SF3B1: variants seen among roughly 807,000 people sequenced by gnomAD.
SF3B1 encodes splicing factor 3b subunit 1.
Under a neutral mutation model 153.8 loss-of-function variants are expected in SF3B1, and 12 were observed. That is an observed-to-expected ratio of 0.08 (90% CI 0.05 to 0.13). The LOEUF (loss-of-function observed/expected upper bound fraction) is 0.13. SF3B1 is among the 10% of genes least tolerant of loss of function. The probability of loss-of-function intolerance (pLI) is 1.00; values close to 1 mark genes in which losing one functional copy is unlikely to be tolerated. For synonymous variants in SF3B1, 498 were observed against 525.2 expected (o/e 0.95, Z 0.71); for missense variants, 513 against 1,606.1 (o/e 0.32, Z 11.63).
At position 197,405,298 on chromosome 2, in the gene SF3B1, T is replaced by C. The variant is rs888908728; in HGVS notation, c.1414A>G (p.Ile472Val). Residue 472 changes from isoleucine (I) to valine (V), a missense_variant, in exon 10 of 25, where the codon ATT (isoleucine) becomes GTT (valine). Ile to Val is a conservative substitution (Grantham distance 29). This residue lies in a region of SF3B1 where 34 missense variants were observed against 190.8 expected (regional missense o/e 0.18). Coordinates refer to ENST00000335508, the MANE Select transcript of SF3B1 (RefSeq NM_012433.4). ...ACCAATAGTTTATCAAAGTATTGAA[T>C]ATCATCAGGTTTTAAAAATGGAAGA... ...GNLPFLKPDDIQYFDKLLVDV... is the reference protein window; with the variant it reads ...GNLPFLKPDDVQYFDKLLVDV... 1.9e-6 allele frequency: 3 copies of C among 1,613,126 alleles called. No homozygotes were observed. The highest frequency in any genetic ancestry group is 2.5e-6 in the Non-Finnish European group (3 of 1,179,238).
intron 3 of SF3B1, 151 bp downstream of exon 3, chr2:197,420,878 T>G: frequency 1.7e-6 from 1 of 576,674 alleles, no homozygotes; most frequent in Non-Finnish European, 3.0e-6. Context: ...AGCAAAACCT[T>G]GTGTCAAAAA....
chr2:197,418,686 C>T (rs1031554173), intron 4 of SF3B1, 98 bp from the exon 5 acceptor site: 15 of 1,473,658 alleles, frequency 1.0e-5, no homozygotes, highest in Non-Finnish European at 1.4e-5. Flanking sequence ...TATGTTATTC[C>T]ATAATCATTT....
rs1375202785 is a variant in SF3B1, at chr2:197,398,055, A to G, written c.3196T>C (p.Leu1066=). ...MRICFELLEL[L]KAHKKAIRRA... is the part of the protein sequence containing the mutation. Reference sequence around the variant, plus strand: ...CGAATAGCCTTTTTGTGGGCTTTTAAGAGCTCTAAAAGCTCAAAGCAAATC... The same window carrying G: ...CGAATAGCCTTTTTGTGGGCTTTTAGGAGCTCTAAAAGCTCAAAGCAAATC... The change falls in exon 22 of 25, where the codon TTA becomes CTA. Residue 1066 remains leucine, a synonymous_variant. Coordinates refer to ENST00000335508, the MANE Select transcript of SF3B1 (RefSeq NM_012433.4). 5.6e-6 allele frequency: 9 copies of G among 1,612,330 alleles called. No homozygotes were observed. The highest frequency in any genetic ancestry group is 1.3e-5 in the African/African-American group (1 of 74,898).
intron 6 of SF3B1, among the ~76,000 whole-genome samples, chr2:197,415,799 T>G (rs1189991662): frequency 2.6e-5 from 4 of 152,018 alleles, no homozygotes; most frequent in Admixed American, 6.6e-5. Flanking sequence ...ATTTTACAGA[T>G]GCCATCGTTT....
Position 197,422,401 on chromosome 2 carries a change from T to A in SF3B1, c.196-1268A>T, listed in dbSNP as rs374371524. On this transcript the variant is annotated intron_variant, in intron 2 of 24. Coordinates refer to ENST00000335508, the MANE Select transcript of SF3B1 (RefSeq NM_012433.4). ...ATGGGGAACATCACACACCGGGGCTTGTCATGGGGTGGGGGTAGGGGGGAG... is the reference window on the plus strand; with the variant it reads ...ATGGGGAACATCACACACCGGGGCTAGTCATGGGGTGGGGGTAGGGGGGAG... Among the ~76,000 whole-genome samples, 5 of 150,678 alleles carry A rather than the reference T, an allele frequency of 3.3e-5. No individual in the cohort carries two copies. In the East Asian group the frequency reaches 9.8e-4, roughly 29 times the overall value.
At chr2:197,420,568 T>C (rs1451823492) in intron 3 of SF3B1, 26 bp from the exon 4 acceptor site, 1 of 1,412,590 alleles carries the variant, frequency 7.1e-7, no homozygotes, top group Non-Finnish European at 9.8e-7. Context: ...TCTCACTTAA[T>C]ATCCACTTTA....
intron 2 of SF3B1, among the ~76,000 whole-genome samples, chr2:197,423,597 A>G (rs1360998000): frequency 6.6e-6 from 1 of 152,178 alleles, no homozygotes; most frequent in South Asian, 2.1e-4. Context: ...GCTTCACTGG[A>G]TAAACAAACT....
chr2:197,434,837 G>A (rs967107156), intron 1 of SF3B1, 135 bp downstream of exon 1: 5 of 906,098 alleles, frequency 5.5e-6, no homozygotes, highest in Admixed American at 2.4e-5. Flanking sequence ...CTGGCGCGGA[G>A]GAGACGACCC....
chr2:197,420,091 T>C (rs928000936), intron 4 of SF3B1: 4 of 271,984 alleles, frequency 1.5e-5, no homozygotes, highest in Non-Finnish European at 2.8e-5. Flanking sequence ...GAATGAAAAC[T>C]TTCAATAATT....
At chr2:197,409,216 A>G (rs188955226) in intron 7 of SF3B1, among the ~76,000 whole-genome samples, 68 of 152,274 alleles carry the variant, frequency 4.5e-4, no homozygotes, top group African/African-American at 1.6e-3. Flanking sequence ...CCTGACCAGC[A>G]TAGAGAAACC....
chr2:197,423,478 G>T (rs941230477), intron 2 of SF3B1, among the ~76,000 whole-genome samples: 1 of 152,036 alleles, frequency 6.6e-6, no homozygotes, highest in Non-Finnish European at 1.5e-5. Context: ...AGGACAGATG[G>T]CTATTTACAA....
At chr2:197,430,954 G>A (rs950078657) in intron 1 of SF3B1, among the ~76,000 whole-genome samples, 2 of 151,942 alleles carry the variant, frequency 1.3e-5, no homozygotes, top group Admixed American at 1.3e-4. Context: ...GCAACCCCTG[G>A]CCTCCTGTAT....
In SF3B1 at chr2:197,401,326, C is replaced by T; in HGVS notation, c.2496+74G>A. 4 of 1,326,844 alleles carry T rather than the reference C, an allele frequency of 3.0e-6. No individual in the cohort carries two copies. Among genetic ancestry groups the T allele is most frequent in the South Asian group, 2.7e-5 (2 of 74,370 alleles). 82.2% of individuals were successfully genotyped at this position (1,326,844 alleles called of 1,614,324 possible). On this transcript the variant is annotated intron_variant, in intron 17 of 24. Transcript: ENST00000335508. This position sits in a 1 kb window ranked among gnomAD's most constrained non-coding sequence, Gnocchi z 4.2. ...GATAATCAAGGCAAAAAATAATATA[C>T]AACATGCATTCAAGTTGACTAAAGA... is the stretch of plus-strand genomic sequence containing the variant.
chr2:197,416,580 G>C (rs370607776), intron 6 of SF3B1, 161 bp downstream of exon 6: 2 of 590,458 alleles, frequency 3.4e-6, no homozygotes, highest in African/African-American at 3.8e-5. Flanking sequence ...TTGGCACTCT[G>C]ATCTTGGATT....
intron 6 of SF3B1, among the ~76,000 whole-genome samples, chr2:197,412,645 C>G (rs1382451935): frequency 6.6e-6 from 1 of 151,456 alleles, no homozygotes. Flanking sequence ...CGTGAGCCAC[C>G]GCGTCTGGCC....
Position 197,400,196 on chromosome 2 carries a change from T to G in SF3B1, c.2902-30A>C. On this transcript the variant is annotated intron_variant, in intron 19 of 24. Transcript: ENST00000335508. This position sits in a 1 kb window ranked among gnomAD's most constrained non-coding sequence, Gnocchi z 5.0. ...AATAAAACAAATAATGTTAAAATGT[T>G]ACTATTTACATTAAACTATTTGGGG... 6.2e-7 allele frequency: 1 copy of G among 1,606,546 alleles called. No individual in the cohort carries two copies. The highest frequency in any genetic ancestry group is 2.2e-5 in the East Asian group (1 of 44,822).
chr2:197,392,052 A>G lies in SF3B1; in HGVS notation c.*251T>C. 1.0e-5 allele frequency: 3 copies of G among 289,456 alleles called. No individual in the cohort carries two copies. Among genetic ancestry groups the G allele is most frequent in the Non-Finnish European group, 1.9e-5 (3 of 156,438 alleles). The allele number at this position is 289,456 out of a possible 1,614,324, so 17.9% of individuals were successfully genotyped here. A position where few individuals can be genotyped will look rare whatever the true frequency, so the allele number is the denominator to read the frequency against. Reference sequence around the variant, plus strand: ...CAAGGAATGAGTTCTAAATCTTCATAAAGATGAATTAAAAATGAAATCCCT... The same window carrying G: ...CAAGGAATGAGTTCTAAATCTTCATGAAGATGAATTAAAAATGAAATCCCT... On this transcript the variant is annotated 3_prime_UTR_variant, in exon 25 of 25. Transcript: ENST00000335508.
intron 11 of SF3B1, 100 bp from the exon 12 acceptor site, chr2:197,403,864 GT>G: frequency 2.3e-6 from 2 of 877,254 alleles, no homozygotes; most frequent in Non-Finnish European, 3.4e-6. Flanking sequence ...TAATATTTTA[GT>G]GTTTACTTTT....
intron 5 of SF3B1, among the ~76,000 whole-genome samples, chr2:197,417,595 AG>A (rs1377824840): frequency 4.0e-5 from 6 of 149,640 alleles, no homozygotes; most frequent in African/African-American, 7.3e-5. Flanking sequence ...AAAAAAAAAA[AG>A]AAATATGAAA....
Sources: gnomAD v4.1 joint callset for allele counts (sites outside exome capture counted in the v4.1 genomes callset) on GRCh38, gnomAD v4.1.1 for gene constraint, gnomAD v4.1.1 regional missense constraint, Gnocchi (gnomAD v3.1) non-coding constraint, MANE v1.5 for transcripts, NCBI Gene and HGNC (gene_info 2026-07-23, HGNC 2026-07-21) for gene names.